Variants in DIP2C observed in about 807,000 individuals in gnomAD.
DIP2C encodes the protein disco-interacting protein 2 homolog C.
A neutral mutation model predicts 192.4 loss-of-function variants in DIP2C; 33 were observed. That is an observed-to-expected ratio of 0.17 (90% CI 0.13 to 0.23). The LOEUF is 0.23. DIP2C is among the 10% of genes least tolerant of loss of function. The probability of loss-of-function intolerance (pLI) is 1.00; values close to 1 mark genes in which losing one functional copy is unlikely to be tolerated. For missense variants in DIP2C, 1,537 were observed against 2,110.1 expected, an observed-to-expected ratio of 0.73 and a Z score of 5.32; for synonymous variants, 979 against 864.1, an observed-to-expected ratio of 1.13 and a Z score of -2.33.
intron 1 of DIP2C, among the ~76,000 whole-genome samples, chr10:603,503 A>G (rs1852245765): frequency 6.6e-6 from 1 of 152,092 alleles, no homozygotes. Context: ...AGCTCTGAAC[A>G]AGTATATCAG....
chr10:479,603 G>C (rs1843434986), intron 2 of DIP2C, among the ~76,000 whole-genome samples: 1 of 152,050 alleles, frequency 6.6e-6, no homozygotes, highest in African/African-American at 2.4e-5. Context: ...CAAAGTGCTG[G>C]AATTATAGGC....
chr10:606,745 C>T lies in DIP2C; in HGVS notation c.85+82749G>A, dbSNP rs370166053. 1.4e-4 allele frequency among the ~76,000 whole-genome samples: 22 copies of T among 152,292 alleles called. 2 individuals are homozygous for T. The highest frequency in any genetic ancestry group is 5.2e-4 in the Admixed American group (8 of 15,294). Reference sequence around the variant, plus strand: ...TTGCAAACAACAAAAAATCCAAAACCCCTCTTAAAGAACGTTTCTATAACC... The same window carrying T: ...TTGCAAACAACAAAAAATCCAAAACTCCTCTTAAAGAACGTTTCTATAACC... On this transcript the variant is annotated intron_variant, in intron 1 of 36. Transcript: ENST00000280886.
chr10:296,485 C>T (rs1955759797), intron 32 of DIP2C, among the ~76,000 whole-genome samples: 1 of 152,112 alleles, frequency 6.6e-6, no homozygotes, highest in Non-Finnish European at 1.5e-5. Context: ...TGTGGCAATT[C>T]CTCAAGGATC....
intron 1 of DIP2C, among the ~76,000 whole-genome samples, chr10:490,361 T>C (rs970818949): frequency 2.6e-5 from 4 of 152,262 alleles, no homozygotes; most frequent in Non-Finnish European, 5.9e-5. Flanking sequence ...AGAGGGCACA[T>C]CCTTCCCCAC....
At chr10:492,613 C>T (rs1318916158) in intron 1 of DIP2C, among the ~76,000 whole-genome samples, 1 of 152,234 alleles carries the variant, frequency 6.6e-6, no homozygotes, top group Admixed American at 6.5e-5. Context: ...TCAAACAACA[C>T]ACACACGCAC....
chr10:281,560 T>C (rs1244764474), intron 35 of DIP2C, among the ~76,000 whole-genome samples: 2 of 152,216 alleles, frequency 1.3e-5, no homozygotes. Flanking sequence ...TCTACACTTG[T>C]GCTTTGGGAG....
intron 1 of DIP2C, among the ~76,000 whole-genome samples, chr10:575,647 A>G (rs1463267665): frequency 1.3e-5 from 2 of 152,220 alleles, no homozygotes; most frequent in Admixed American, 6.5e-5. Flanking sequence ...ATGACATCCA[A>G]GAGCAGAAGG....
chr10:631,117 A>G (rs1213703596), intron 1 of DIP2C: 4 of 152,276 alleles, frequency 2.6e-5, no homozygotes, highest in Non-Finnish European at 1.5e-5. Context: ...TGCTGACTCA[A>G]TTAATTCAAA....
intron 1 of DIP2C, among the ~76,000 whole-genome samples, chr10:521,340 G>A (rs1455793249): frequency 6.6e-6 from 1 of 152,202 alleles, no homozygotes; most frequent in Non-Finnish European, 1.5e-5. Context: ...ATTCTGAGGT[G>A]CCTGAGTGGG....
chr10:662,304 A>G (rs1467961892), intron 1 of DIP2C, among the ~76,000 whole-genome samples: 2 of 152,252 alleles, frequency 1.3e-5, no homozygotes, highest in Non-Finnish European at 2.9e-5. Flanking sequence ...ACGCACTTGG[A>G]GAACACTTGC....
At chr10:300,455 G>T (rs986045888) in intron 32 of DIP2C, among the ~76,000 whole-genome samples, 3 of 152,188 alleles carry the variant, frequency 2.0e-5, no homozygotes, top group African/African-American at 7.2e-5. Flanking sequence ...CAAATTCATA[G>T]ACAAAGTAGA....
rs1332597627 is a variant in DIP2C, at chr10:275,330, G to A, written c.*1995C>T. ...GTGGTGGTTCCCCCCTTAGGAAGCA[G>A]AGACTAGGAATGTGCATCTGAAGCA... On this transcript the variant is annotated 3_prime_UTR_variant, in exon 37 of 37. Transcript: ENST00000280886. The A allele has an allele frequency of 2.0e-5, 3 of 152,182 alleles. No individual in the cohort carries two copies. Among genetic ancestry groups the A allele is most frequent in the Non-Finnish European group, 4.4e-5 (3 of 68,042 alleles). 9.4% of individuals were successfully genotyped at this position (152,182 alleles called of 1,614,324 possible). A position where few individuals can be genotyped will look rare whatever the true frequency, so the allele number is the denominator to read the frequency against.
intron 3 of DIP2C, among the ~76,000 whole-genome samples, chr10:462,739 C>T (rs926329971): frequency 1.3e-5 from 2 of 152,164 alleles, no homozygotes; most frequent in Admixed American, 6.6e-5. Context: ...AATGTCAGGC[C>T]GATATCCCTG....
At position 399,169 on chromosome 10, in the gene DIP2C, G is replaced by C. The variant is rs1398263158; in HGVS notation, c.1200C>G (p.Phe400Leu). 1.2e-6 allele frequency: 2 copies of C among 1,613,874 alleles called. No homozygotes were observed. Among genetic ancestry groups the C allele is most frequent in the Non-Finnish European group, 1.7e-6 (2 of 1,180,030 alleles). Residue 400 changes from phenylalanine to leucine, a missense_variant, in exon 10 of 37, where the codon TTC becomes TTG. Transcript: ENST00000280886. The part of the protein sequence containing the change: ...NNDPAAFMAA[F>L]YGCLLAEVVP... ...CCACCTCGGCCAGCAGGCAGCCGTA[G>C]AAAGCCGCCATGAAGGCAGCCGGAT...
intron 3 of DIP2C, among the ~76,000 whole-genome samples, chr10:466,572 C>G (rs922708391): frequency 7.5e-6 from 1 of 133,742 alleles, no homozygotes; most frequent in Non-Finnish European, 1.6e-5. Flanking sequence ...TTCTGCACAG[C>G]AAAAGAAACT....
chr10:495,140 T>C (rs1337999566), intron 1 of DIP2C, among the ~76,000 whole-genome samples: 2 of 152,174 alleles, frequency 1.3e-5, no homozygotes, highest in African/African-American at 2.4e-5. Context: ...ATACAAATAC[T>C]GCATGATCTC....
At chr10:633,009 C>A (rs1364437675) in intron 1 of DIP2C, among the ~76,000 whole-genome samples, 1 of 152,268 alleles carries the variant, frequency 6.6e-6, no homozygotes, top group African/African-American at 2.4e-5. Context: ...ACGGCACCCT[C>A]CTGGGCTGCT....
At chr10:385,243 T>A (rs768553276) in intron 14 of DIP2C, among the ~76,000 whole-genome samples, 1 of 151,924 alleles carries the variant, frequency 6.6e-6, no homozygotes, top group Non-Finnish European at 1.5e-5. Context: ...TGGAGGCTCC[T>A]CAGTGTGGGA....
intron 10 of DIP2C, among the ~76,000 whole-genome samples, chr10:397,712 C>A (rs1340243011): frequency 1.3e-5 from 2 of 152,208 alleles, no homozygotes; most frequent in Non-Finnish European, 2.9e-5. Flanking sequence ...ATGTCTCTTA[C>A]AGTTACCGTA....
Sources: gnomAD v4.1 joint callset for allele counts (sites outside exome capture counted in the v4.1 genomes callset) on GRCh38, gnomAD v4.1.1 for gene constraint, MANE v1.5 for transcripts, NCBI Gene and HGNC (gene_info 2026-07-23, HGNC 2026-07-21) for gene names.